Variants in EPB41L4B observed in about 807,000 individuals in gnomAD.
EPB41L4B encodes erythrocyte membrane protein band 4.1 like 4B.
A neutral mutation model predicts 112.5 loss-of-function variants in EPB41L4B; 30 were observed. That is an observed-to-expected ratio of 0.27 (90% confidence interval 0.20 to 0.36). The LOEUF is 0.36. Among genes scored for constraint, EPB41L4B ranks in the 10% least tolerant of loss-of-function variants. The pLI, the probability that EPB41L4B is intolerant of heterozygous loss-of-function variation, is 1.00. For synonymous variants in EPB41L4B, 408 were observed against 439.7 expected, an observed-to-expected ratio of 0.93 and a Z score of 0.90; for missense variants, 1,024 against 1,133.3, an observed-to-expected ratio of 0.90 and a Z score of 1.38.
intron 7 of EPB41L4B, among the ~76,000 whole-genome samples, chr9:109,256,771 C>T (rs1266225067): frequency 6.6e-6 from 1 of 152,216 alleles, no homozygotes; most frequent in Non-Finnish European, 1.5e-5. Flanking sequence ...GGTGAAACCC[C>T]ATCTCTGCTA....
intron 6 of EPB41L4B, among the ~76,000 whole-genome samples, chr9:109,258,713 G>A (rs1250447837): frequency 1.3e-5 from 2 of 152,214 alleles, no homozygotes; most frequent in African/African-American, 4.8e-5. Flanking sequence ...AGGGTCTGCA[G>A]TGCTGGAGAG....
chr9:109,203,840 G>T, intron 18 of EPB41L4B, 110 bp from the exon 19 acceptor site: 1 of 827,668 alleles, frequency 1.2e-6, no homozygotes, highest in Non-Finnish European at 2.1e-6. Context: ...GTGGACCAAA[G>T]AGGTAGTTCA....
intron 15 of EPB41L4B, among the ~76,000 whole-genome samples, chr9:109,223,358 T>C (rs1588148096): frequency 6.7e-6 from 1 of 149,356 alleles, no homozygotes; most frequent in Admixed American, 6.8e-5. Context: ...TGCTTGAGCC[T>C]GGGAGGTCCA....
intron 15 of EPB41L4B, among the ~76,000 whole-genome samples, chr9:109,228,127 A>G (rs994512151): frequency 6.6e-6 from 1 of 152,160 alleles, no homozygotes; most frequent in Non-Finnish European, 1.5e-5. Context: ...TTATTTCTGA[A>G]GTTTATACAT....
At chr9:109,319,763 A>G (rs1398709546) in intron 1 of EPB41L4B, among the ~76,000 whole-genome samples, 1 of 152,124 alleles carries the variant, frequency 6.6e-6, no homozygotes, top group Non-Finnish European at 1.5e-5. Context: ...ACCCAGTATC[A>G]GGAAGACCCC....
intron 13 of EPB41L4B, among the ~76,000 whole-genome samples, chr9:109,251,197 G>A (rs1305688758): frequency 6.6e-6 from 1 of 152,266 alleles, no homozygotes; most frequent in African/African-American, 2.4e-5. Flanking sequence ...ACAGTGTGCT[G>A]CGCACAGGCC....
intron 15 of EPB41L4B, among the ~76,000 whole-genome samples, chr9:109,226,938 A>C (rs1452080488): frequency 6.6e-6 from 1 of 151,568 alleles, no homozygotes; most frequent in Non-Finnish European, 1.5e-5. Flanking sequence ...TCCTGGGCTC[A>C]AGCAATCTTC....
At chr9:109,273,653 C>T (rs548630666) in intron 2 of EPB41L4B, among the ~76,000 whole-genome samples, 73 of 152,294 alleles carry the variant, frequency 4.8e-4, no homozygotes, top group African/African-American at 1.7e-3. Context: ...TGTGTGGCCA[C>T]AAGCAAGCCC....
chr9:109,187,931 C>T (rs1049338804), intron 22 of EPB41L4B, among the ~76,000 whole-genome samples: 2 of 152,164 alleles, frequency 1.3e-5, no homozygotes, highest in Non-Finnish European at 2.9e-5. Context: ...TCCTGGGGCT[C>T]CCACGCTCCA....
At chr9:109,201,125 T>C (rs117757454) in intron 19 of EPB41L4B, among the ~76,000 whole-genome samples, 3,482 of 152,256 alleles carry the variant, frequency 0.023, 59 homozygotes, top group Non-Finnish European at 0.037. Context: ...CAGTGCTCAA[T>C]ATGGTGATAA....
intron 13 of EPB41L4B, among the ~76,000 whole-genome samples, chr9:109,250,620 C>T (rs1834750317): frequency 6.6e-6 from 1 of 152,150 alleles, no homozygotes; most frequent in Non-Finnish European, 1.5e-5. Flanking sequence ...GCGGTATATG[C>T]CGGGCAGACT....
At chr9:109,224,846 CATGGGGGG>C (rs1471405764) in intron 15 of EPB41L4B, among the ~76,000 whole-genome samples, 1 of 152,120 alleles carries the variant, frequency 6.6e-6, no homozygotes, top group East Asian at 1.9e-4. Context: ...TCATTTTGCA[CATGGGGGG>C]ATGGGGGCTC....
chr9:109,261,326 G>T (rs1029752619), intron 6 of EPB41L4B, among the ~76,000 whole-genome samples: 1 of 151,896 alleles, frequency 6.6e-6, no homozygotes, highest in African/African-American at 2.4e-5. Flanking sequence ...GGTGAGGGGG[G>T]TCTCTCCAAT....
intron 22 of EPB41L4B, among the ~76,000 whole-genome samples, chr9:109,191,821 AG>A (rs1832470036): frequency 6.6e-6 from 1 of 152,142 alleles, no homozygotes; most frequent in Admixed American, 6.5e-5. Context: ...GCCATCCCTA[AG>A]GGGAGACCTG....
rs765945975 is a variant in EPB41L4B, at chr9:109,183,843, A to G, written c.2419-1046T>C. Among the ~76,000 whole-genome samples the G allele has an allele frequency of 2.0e-5, 3 of 152,210 alleles. No individual in the cohort carries two copies. The South Asian group carries it at 6.2e-4, about 31-fold the overall frequency. ...TACTCAATGCTCTTCAGTGGCTCCA[A>G]TGGGAGGGTGAGGCAGGGATGAGTA... On this transcript the variant is annotated intron_variant, in intron 23 of 25. Transcript: ENST00000374566.
At position 109,320,340 on chromosome 9, in the gene EPB41L4B, C is replaced by G; in HGVS notation, c.107G>C (p.Gly36Ala). The G allele has an allele frequency of 1.0e-6, 1 of 987,370 alleles. No individual in the cohort carries two copies. The highest frequency in any genetic ancestry group is 1.1e-4 in the East Asian group (1 of 8,896). 61.2% of individuals were successfully genotyped at this position (987,370 alleles called of 1,614,324 possible). A position where few individuals can be genotyped will look rare whatever the true frequency, so the allele number is the denominator to read the frequency against. Residue 36 changes from glycine (G) to alanine (A), a missense_variant, in exon 1 of 26, where the codon GGG (glycine) becomes GCG (alanine). Physicochemically the swap from Gly to Ala is moderately conservative, Grantham distance 60. Coordinates refer to ENST00000374566, the MANE Select transcript of EPB41L4B (RefSeq NM_019114.5). ...AAGLGDERDG[G>A]PRGGPAAAAS... The stretch of plus-strand genomic sequence containing the variant: ...GGCGGCGGCCGGGCCCCCCCGTGGC[C>G]CCCCATCGCGCTCGTCCCCCAGCCC...
chr9:109,207,960 T>G lies in EPB41L4B; in HGVS notation c.1842A>C (p.Lys614Asn), dbSNP rs1276058696. The G allele has an allele frequency of 6.2e-7, 1 of 1,614,050 alleles. No individual in the cohort carries two copies. Among genetic ancestry groups the G allele is most frequent in the Non-Finnish European group, 8.5e-7 (1 of 1,180,042 alleles). Residue 614 changes from lysine (K) to asparagine (N), a missense_variant, in exon 18 of 26, where the codon AAA (lysine) becomes AAC (asparagine). Coordinates refer to ENST00000374566, the MANE Select transcript of EPB41L4B (RefSeq NM_019114.5). ...VADHVKCNIL[K>N]AQLENASRVN... ...CTCGGGAAGCATTTTCCAACTGGGC[T>G]TTCAGAATGTTACACTTCACATGAT...
At position 109,263,067 on chromosome 9, in the gene EPB41L4B, G is replaced by C. The variant is rs761983959; in HGVS notation, c.614C>G (p.Ala205Gly). 17 of 1,596,442 alleles carry C rather than the reference G, an allele frequency of 1.1e-5. No homozygotes were observed. Among genetic ancestry groups the C allele is most frequent in the Non-Finnish European group, 1.5e-5 (17 of 1,168,420 alleles). Residue 205 changes from alanine to glycine, a missense_variant, in exon 6 of 26, where the codon GCT (alanine) becomes GGT (glycine). Transcript: ENST00000374566. ...KCPYETAVEL[A>G]ALCLQAELGE... is the part of the protein sequence containing the mutation. ...TAATGTACCTTGTAGACAGAGAGCA[G>C]CTAATTCCACAGCTGTTTCATAAGG... is the stretch of plus-strand genomic sequence containing the variant.
intron 15 of EPB41L4B, among the ~76,000 whole-genome samples, chr9:109,234,574 A>G (rs1438230215): frequency 6.6e-6 from 1 of 152,224 alleles, no homozygotes; most frequent in Non-Finnish European, 1.5e-5. Context: ...TATCTTAAAA[A>G]AGGCAACAGG....
Sources: gnomAD v4.1 joint callset for allele counts (sites outside exome capture counted in the v4.1 genomes callset) on GRCh38, gnomAD v4.1.1 for gene constraint, MANE v1.5 for transcripts, NCBI Gene and HGNC (gene_info 2026-07-23, HGNC 2026-07-21) for gene names.